RFC5: variants seen among roughly 807,000 people sequenced by gnomAD.
RFC5 encodes the protein replication factor C subunit 5.
RFC5 carries 26 observed loss-of-function variants against 44.3 expected under a neutral mutation model. The observed-to-expected ratio is 0.59, with a 90% CI of 0.43 to 0.81. The LOEUF (loss-of-function observed/expected upper bound fraction) is 0.81, where lower values mean the gene tolerates loss of function less well. Ranked by LOEUF, RFC5 falls within the 40% of genes least tolerant of loss-of-function variation. The pLI is 0.00. For synonymous variants in RFC5, 155 were observed against 155.2 expected (o/e 1.00, Z 0.01); for missense variants, 328 against 418.6 (o/e 0.78, Z 1.89).
intron 5 of RFC5, among the ~76,000 whole-genome samples, chr12:118,023,415 G>GGGGGT (rs1566123934): frequency 4.4e-5 from 1 of 22,802 alleles, no homozygotes; most frequent in Non-Finnish European, 7.5e-5. Flanking sequence ...AGGAGGAGGG[G>GGGGGT]GGAGGAGGGG....
downstream of RFC5, chr12:118,034,184 ATGTGG>A: frequency 1.2e-6 from 2 of 1,614,038 alleles, no homozygotes; most frequent in Non-Finnish European, 1.7e-6. Context: ...GAAGCACAAG[ATGTGG>A]TGTTGCTTAA....
chr12:118,026,939 C>T lies in RFC5; in HGVS notation c.714C>T (p.Cys238=). Residue 238 remains cysteine (C), a synonymous_variant, in exon 8 of 11, where the codon TGC becomes TGT. Coordinates refer to ENST00000454402, the MANE Select transcript of RFC5 (RefSeq NM_007370.7). The stretch of plus-strand genomic sequence containing the variant: ...TGACAGAGGAGACTGTCTACACCTG[C>T]ACCGGGCACCCGCTCAAGTCAGACA... ...GKVTEETVYT[C]TGHPLKSDIA... 1 of 1,614,086 alleles carries T rather than the reference C, an allele frequency of 6.2e-7. No homozygotes were observed. The highest frequency in any genetic ancestry group is 2.2e-5 in the East Asian group (1 of 44,870).
chr12:118,023,902 C>T lies in RFC5; in HGVS notation c.422-949C>T, dbSNP rs537362593. 4.3e-4 allele frequency among the ~76,000 whole-genome samples: 66 copies of T among 152,248 alleles called. 1 individual carries two copies. The highest frequency in any genetic ancestry group is 1.9e-3 in the Admixed American group (29 of 15,296). On this transcript the variant is annotated intron_variant, in intron 5 of 10. Transcript: ENST00000454402. ...AGCATTTTGTAAAATCCCACGGAGGCATGTTTACCAGTTTGTGAAAGAGGG... is the reference window on the plus strand; with the variant it reads ...AGCATTTTGTAAAATCCCACGGAGGTATGTTTACCAGTTTGTGAAAGAGGG...
downstream of RFC5, chr12:118,036,540 G>T (rs757515142): frequency 1.3e-6 from 2 of 1,591,004 alleles, no homozygotes; most frequent in Admixed American, 3.4e-5. Context: ...CCTGGTTAGG[G>T]CAGAAGCAAA....
chr12:118,030,556 G>A (rs1209048800), intron 10 of RFC5, among the ~76,000 whole-genome samples: 2 of 152,182 alleles, frequency 1.3e-5, no homozygotes, highest in Non-Finnish European at 2.9e-5. Context: ...TTTTGCCGAC[G>A]AAATAATCCT....
the RFC5 span, among the ~76,000 whole-genome samples, chr12:118,038,932 T>G: frequency 6.6e-6 from 1 of 152,230 alleles, no homozygotes; most frequent in South Asian, 2.1e-4. Flanking sequence ...GATCACTTTT[T>G]TTATATAATC....
At position 118,022,886 on chromosome 12, in the gene RFC5, C is replaced by T. The variant is rs138377734; in HGVS notation, c.421+527C>T. On this transcript the variant is annotated intron_variant, in intron 5 of 10. Coordinates refer to ENST00000454402, the MANE Select transcript of RFC5 (RefSeq NM_007370.7). ...TCTCTGTGTCTCCCATCTAATGACA[C>T]AGGCTAGATACCTCTGTAGCGGGAC... Among the ~76,000 whole-genome samples, 381 of 152,298 alleles carry T rather than the reference C, an allele frequency of 2.5e-3. 2 individuals carry two copies. Among genetic ancestry groups the T allele is most frequent in the African/African-American group, 8.6e-3 (358 of 41,568 alleles).
chr12:118,017,003 T>A (rs1226083068), intron 1 of RFC5, 111 bp downstream of exon 1: 10 of 844,578 alleles, frequency 1.2e-5, no homozygotes, highest in Admixed American at 2.0e-5. Flanking sequence ...CTTCCCGTCG[T>A]CTCCAGGCCT....
rs1272532114 is a variant in RFC5, at chr12:118,031,890, T to C, written c.*612T>C. 2 of 152,190 alleles carry C rather than the reference T, an allele frequency of 1.3e-5. No individual in the cohort carries two copies. Among genetic ancestry groups the C allele is most frequent in the Non-Finnish European group, 2.9e-5 (2 of 68,028 alleles). The allele number at this position is 152,190 out of a possible 1,614,324, so 9.4% of individuals were successfully genotyped here. On this transcript the variant is annotated 3_prime_UTR_variant, in exon 11 of 11. Coordinates refer to ENST00000454402, the MANE Select transcript of RFC5 (RefSeq NM_007370.7). ...ATAGGAAAAAAACCTTAATTTTAAA[T>C]ATAATATAGAGCCTTAAACTATGCC...
At chr12:118,034,714 A>G (rs1593460811), downstream of RFC5, 2 of 524,080 alleles carry the variant, frequency 3.8e-6, no homozygotes, top group Non-Finnish European at 3.4e-6. Context: ...GGTTTCCCAT[A>G]TATTATGCAT....
chr12:118,037,560 C>G (rs907656220), downstream of RFC5, among the ~76,000 whole-genome samples: 1 of 150,940 alleles, frequency 6.6e-6, no homozygotes, highest in African/African-American at 2.4e-5. Flanking sequence ...CCCAGCTACT[C>G]GGGAGGCTGA....
At chr12:118,034,159 T>C, downstream of RFC5, 1 of 1,612,794 alleles carries the variant, frequency 6.2e-7, no homozygotes, top group Non-Finnish European at 8.5e-7. Flanking sequence ...ACAGGACGAT[T>C]TACCCTGCTA....
At chr12:118,039,074 T>C in the RFC5 span, among the ~76,000 whole-genome samples, 1 of 152,300 alleles carries the variant, frequency 6.6e-6, no homozygotes, top group South Asian at 2.1e-4. Flanking sequence ...AGAGAGTGTT[T>C]ATCTTCATTT....
chr12:118,036,473 C>T (rs750000255), downstream of RFC5: 11 of 1,614,002 alleles, frequency 6.8e-6, no homozygotes, highest in Non-Finnish European at 9.3e-6. Context: ...CTCTAGCTTC[C>T]GAATTAACGT....
In RFC5 at chr12:118,024,901, CTG is replaced by C; in HGVS notation, c.474_475del (p.Ser159LysfsTer21). 1 of 1,613,748 alleles carries C rather than the reference CTG, an allele frequency of 6.2e-7. No homozygotes were observed. Among genetic ancestry groups the C allele is most frequent in the Non-Finnish European group, 8.5e-7 (1 of 1,179,682 alleles). On this transcript the variant is annotated frameshift_variant, in exon 6 of 11. Coordinates refer to ENST00000454402, the MANE Select transcript of RFC5 (RefSeq NM_007370.7). LOFTEE classifies it high-confidence loss of function. ...NTRFCLICNYLSKIIPALQSR... is the reference protein window; with the variant it reads ...NTRFCLICNYXSKIIPALQSR... ...CAGATTCTGCCTCATCTGTAACTAT[CTG>C]TCAAAGATCATCCCTGCCTTGCAGT...
At chr12:118,034,092 A>G, downstream of RFC5, 2 of 1,452,348 alleles carry the variant, frequency 1.4e-6, no homozygotes, top group South Asian at 2.5e-5. Context: ...ATCCCAAAGA[A>G]ATGCTATTTC....
At chr12:118,025,932 T>TGAG in intron 7 of RFC5, 104 bp downstream of exon 7, 2 of 694,160 alleles carry the variant, frequency 2.9e-6, no homozygotes, top group Non-Finnish European at 5.0e-6. Flanking sequence ...CACTGCAACC[T>TGAG]CCGCCTCCTG....
At chr12:118,026,656 C>T (rs187233334) in intron 7 of RFC5, among the ~76,000 whole-genome samples, 83 of 152,308 alleles carry the variant, frequency 5.4e-4, no homozygotes, top group African/African-American at 1.6e-3. Context: ...TCATTTGTTG[C>T]AAAGAAGGCA....
At chr12:118,032,400 C>T (rs1336713724), downstream of RFC5, 1 of 152,152 alleles carries the variant, frequency 6.6e-6, no homozygotes, top group East Asian at 1.9e-4. Flanking sequence ...CCTGGAACTT[C>T]AAGATAACCA....
Sources: allele counts gnomAD v4.1 joint callset (sites outside exome capture counted in the v4.1 genomes callset), GRCh38; gene constraint gnomAD v4.1.1; transcripts MANE v1.5; gene names NCBI Gene and HGNC (gene_info 2026-07-23, HGNC 2026-07-21).